Variants in AGTPBP1 observed in about 807,000 individuals in gnomAD.
The protein encoded by AGTPBP1 is cytosolic carboxypeptidase 1.
Under a neutral mutation model 143.9 loss-of-function variants are expected in AGTPBP1, and 70 were observed. That is an observed-to-expected ratio of 0.49 (90% CI 0.40 to 0.59). The LOEUF (loss-of-function observed/expected upper bound fraction) is 0.59. Ranked by LOEUF, AGTPBP1 falls within the 20% of genes least tolerant of loss-of-function variation. The pLI is 0.00. For synonymous variants in AGTPBP1, 463 were observed against 500.2 expected (o/e 0.93, Z 0.99); for missense variants, 1,229 against 1,464.5 (o/e 0.84, Z 2.62).
At chr9:85,578,732 G>C (rs1017523332) in intron 24 of AGTPBP1, among the ~76,000 whole-genome samples, 188 bp downstream of exon 24, 11 of 152,004 alleles carry the variant, frequency 7.2e-5, no homozygotes, top group Non-Finnish European at 1.3e-4. Flanking sequence ...TTAGTTCAGA[G>C]AAGTAAAGAA....
At chr9:85,684,083 C>A (rs958211891) in intron 3 of AGTPBP1, among the ~76,000 whole-genome samples, 1 of 152,100 alleles carries the variant, frequency 6.6e-6, no homozygotes, top group African/African-American at 2.4e-5. Context: ...CACTTGGGAA[C>A]ACAAAACTGC....
chr9:85,741,163 C>A, intron 1 of AGTPBP1: 1 of 964,074 alleles, frequency 1.0e-6, no homozygotes, highest in Non-Finnish European at 1.2e-6. Context: ...GATTCAGGTT[C>A]AAACCAAACG....
the AGTPBP1 span, among the ~76,000 whole-genome samples, chr9:85,771,150 T>A: frequency 6.6e-6 from 1 of 152,192 alleles, no homozygotes; most frequent in Non-Finnish European, 1.5e-5. Flanking sequence ...GAAAAGTACA[T>A]TCAATTTATG....
intron 14 of AGTPBP1, among the ~76,000 whole-genome samples, chr9:85,623,969 A>G (rs1017019351): frequency 6.6e-6 from 1 of 152,178 alleles, no homozygotes; most frequent in African/African-American, 2.4e-5. Context: ...AAGACTTGGC[A>G]TGGAAAGGAA....
chr9:85,592,352 CTT>C (rs1829023076), intron 19 of AGTPBP1, among the ~76,000 whole-genome samples: 1 of 151,926 alleles, frequency 6.6e-6, no homozygotes, highest in African/African-American at 2.4e-5. Flanking sequence ...ACACTAAACC[CTT>C]TTCTTATGTT....
At chr9:85,582,372 T>C (rs1441111822) in intron 23 of AGTPBP1, among the ~76,000 whole-genome samples, 1 of 152,160 alleles carries the variant, frequency 6.6e-6, no homozygotes, top group East Asian at 1.9e-4. Context: ...TATTGATTAG[T>C]TATTTTTTCA....
intron 17 of AGTPBP1, among the ~76,000 whole-genome samples, chr9:85,598,390 C>T (rs941545242): frequency 6.6e-5 from 10 of 152,186 alleles, no homozygotes; most frequent in African/African-American, 2.4e-4. Context: ...TCTCACATCT[C>T]CATCTCGGGT....
intron 7 of AGTPBP1, 88 bp downstream of exon 7, chr9:85,672,462 T>G: frequency 1.4e-6 from 2 of 1,399,290 alleles, no homozygotes; most frequent in Non-Finnish European, 2.0e-6. Flanking sequence ...TTCACAAATA[T>G]CAGAGGTTTA....
intron 4 of AGTPBP1, among the ~76,000 whole-genome samples, chr9:85,678,631 T>C (rs1834981759): frequency 6.6e-6 from 1 of 152,314 alleles, no homozygotes; most frequent in South Asian, 2.1e-4. Flanking sequence ...AAGAATCAAT[T>C]TGTCATTTGA....
At position 85,646,311 on chromosome 9, in the gene AGTPBP1, T is replaced by C; in HGVS notation, c.1185+10A>G. Reference sequence around the variant, plus strand: ...TATAAAGCTAACTAATTACAGAAATTTATACTAACCTTAAAATTTTGATCT... The same window carrying C: ...TATAAAGCTAACTAATTACAGAAATCTATACTAACCTTAAAATTTTGATCT... On this transcript the variant is annotated intron_variant, in intron 12 of 25. Coordinates refer to ENST00000357081, the MANE Select transcript of AGTPBP1 (RefSeq NM_001330701.2). 2 of 1,603,744 alleles carry C rather than the reference T, an allele frequency of 1.2e-6. No individual in the cohort carries two copies. Among genetic ancestry groups the C allele is most frequent in the Non-Finnish European group, 1.7e-6 (2 of 1,172,506 alleles).
intron 25 of AGTPBP1, among the ~76,000 whole-genome samples, chr9:85,549,409 C>G (rs888316250): frequency 6.6e-6 from 1 of 152,128 alleles, no homozygotes; most frequent in African/African-American, 2.4e-5. Context: ...CTATGGACAG[C>G]GGAATTCCAG....
the AGTPBP1 span, among the ~76,000 whole-genome samples, chr9:85,778,961 G>C: frequency 6.6e-6 from 1 of 152,028 alleles, no homozygotes; most frequent in African/African-American, 2.4e-5. Flanking sequence ...GCATAATTCT[G>C]TAAACAGTTC....
intron 3 of AGTPBP1, among the ~76,000 whole-genome samples, chr9:85,691,298 T>A (rs1395601568): frequency 1.3e-5 from 2 of 152,216 alleles, no homozygotes; most frequent in African/African-American, 2.4e-5. Flanking sequence ...GAGGAAGTTA[T>A]CAAAATAAAT....
chr9:85,796,357 T>C, the AGTPBP1 span, among the ~76,000 whole-genome samples: 1 of 152,200 alleles, frequency 6.6e-6, no homozygotes, highest in East Asian at 1.9e-4. Context: ...ATGTTAACTC[T>C]TGCAAATATC....
intron 13 of AGTPBP1, among the ~76,000 whole-genome samples, chr9:85,641,833 C>T (rs567968680): frequency 6.6e-6 from 1 of 151,912 alleles, no homozygotes; most frequent in East Asian, 1.9e-4. Context: ...CGAGTAGCTG[C>T]AACTACAGGT....
intron 10 of AGTPBP1, 34 bp downstream of exon 10, chr9:85,657,400 TA>T: frequency 1.3e-6 from 2 of 1,513,486 alleles, no homozygotes; most frequent in Non-Finnish European, 1.8e-6. Context: ...ATATTATTAG[TA>T]CATAATCACA....
chr9:85,800,916 C>T, the AGTPBP1 span, among the ~76,000 whole-genome samples: 4 of 152,030 alleles, frequency 2.6e-5, no homozygotes. Context: ...CATCATTTCC[C>T]AAGCTACAGG....
At chr9:85,720,291 C>T (rs946758814) in intron 1 of AGTPBP1, among the ~76,000 whole-genome samples, 3 of 151,958 alleles carry the variant, frequency 2.0e-5, no homozygotes, top group Admixed American at 1.3e-4. Flanking sequence ...CGTCTGGTCC[C>T]GGATTTTTTT....
At chr9:85,621,656 T>C (rs975854621) in intron 14 of AGTPBP1, among the ~76,000 whole-genome samples, 4 of 152,086 alleles carry the variant, frequency 2.6e-5, no homozygotes, top group African/African-American at 9.7e-5. Flanking sequence ...GGTATAAAGA[T>C]GTGAAAAGCC....
Sources: gnomAD v4.1 joint callset for allele counts (sites outside exome capture counted in the v4.1 genomes callset) on GRCh38, gnomAD v4.1.1 for gene constraint, MANE v1.5 for transcripts, NCBI Gene and HGNC (gene_info 2026-07-23, HGNC 2026-07-21) for gene names.